CTDSPL: variants seen among roughly 807,000 people sequenced by gnomAD.
The protein encoded by CTDSPL is CTD small phosphatase like, also known as CTD small phosphatase-like protein.
Under a neutral mutation model 30.5 loss-of-function variants are expected in CTDSPL, and 8 were observed. That is an observed-to-expected ratio of 0.26 (90% CI 0.15 to 0.47). The LOEUF is 0.47. Ranked by LOEUF, CTDSPL falls within the 20% of genes least tolerant of loss-of-function variation. The pLI is 0.99. For missense variants in CTDSPL, 248 were observed against 366.1 expected (o/e 0.68, Z 2.63); for synonymous variants, 110 against 137.9 (o/e 0.80, Z 1.42).
chr3:37,914,182 A>G (rs1288095584), intron 1 of CTDSPL, among the ~76,000 whole-genome samples: 1 of 152,072 alleles, frequency 6.6e-6, no homozygotes, highest in Non-Finnish European at 1.5e-5. Flanking sequence ...TTTATTTTAT[A>G]TTTTGGTTTT....
At chr3:37,978,050 A>G (rs967881725) in intron 7 of CTDSPL, among the ~76,000 whole-genome samples, 2 of 152,212 alleles carry the variant, frequency 1.3e-5, no homozygotes, top group Non-Finnish European at 2.9e-5. Context: ...TCTATTATAA[A>G]ATTCTCCCAT....
At chr3:37,960,527 TATATATATAC>T (rs1285531167) in intron 3 of CTDSPL, among the ~76,000 whole-genome samples, 20 of 63,634 alleles carry the variant, frequency 3.1e-4, no homozygotes, top group African/African-American at 9.5e-4. Flanking sequence ...TATATATATA[TATATATATAC>T]ACACACACAC....
At chr3:37,941,275 A>G (rs1486024720) in intron 1 of CTDSPL, among the ~76,000 whole-genome samples, 1 of 150,222 alleles carries the variant, frequency 6.7e-6, no homozygotes, top group Non-Finnish European at 1.5e-5. Context: ...GTGCACAGAA[A>G]TGGAGAAAGT....
Position 37,862,316 on chromosome 3 carries a change from G to A in CTDSPL, c.79+38G>A. ...GCAGGCGGCCGCGGGCTGGGGGCGA[G>A]CGCACACCCCGCGCCGCTGGAGTTC... On this transcript the variant is annotated intron_variant, in intron 1 of 7. Coordinates refer to ENST00000273179, the MANE Select transcript of CTDSPL (RefSeq NM_001008392.2). The surrounding 1 kb of genome is among the most constrained non-coding windows in gnomAD (Gnocchi z 4.3). 6.9e-7 allele frequency: 1 copy of A among 1,439,010 alleles called. No homozygotes were observed. Among genetic ancestry groups the A allele is most frequent in the Non-Finnish European group, 9.1e-7 (1 of 1,097,080 alleles). 89.1% of individuals were successfully genotyped at this position (1,439,010 alleles called of 1,614,324 possible).
intron 1 of CTDSPL, among the ~76,000 whole-genome samples, chr3:37,945,007 A>G (rs1699019197): frequency 6.7e-6 from 1 of 149,774 alleles, no homozygotes; most frequent in African/African-American, 2.4e-5. Flanking sequence ...AGTTATGGGG[A>G]AAGTTCGTGT....
intron 1 of CTDSPL, among the ~76,000 whole-genome samples, chr3:37,941,419 CTTT>C (rs770518070): frequency 7.2e-6 from 1 of 139,426 alleles, no homozygotes; most frequent in Non-Finnish European, 1.6e-5. Context: ...ATCTTTTTTT[CTTT>C]TTTTTTTTTT....
intron 1 of CTDSPL, among the ~76,000 whole-genome samples, chr3:37,906,171 C>T (rs1698512984): frequency 6.6e-6 from 1 of 152,160 alleles, no homozygotes; most frequent in African/African-American, 2.4e-5. Flanking sequence ...CTTCCTGGCC[C>T]CTATTGTGTG....
At chr3:37,966,700 C>G (rs1469737471) in intron 4 of CTDSPL, among the ~76,000 whole-genome samples, 2 of 152,058 alleles carry the variant, frequency 1.3e-5, no homozygotes, top group African/African-American at 4.8e-5. Context: ...CTAGCATTGT[C>G]CATGTTTTTT....
chr3:37,864,820 G>A (rs1219304738), intron 1 of CTDSPL, among the ~76,000 whole-genome samples: 1 of 151,870 alleles, frequency 6.6e-6, no homozygotes, highest in Non-Finnish European at 1.5e-5. Context: ...ATTGGGCCTG[G>A]AATATTTTAA....
At chr3:37,931,003 C>CTT (rs374075430) in intron 1 of CTDSPL, among the ~76,000 whole-genome samples, 1 of 151,920 alleles carries the variant, frequency 6.6e-6, no homozygotes, top group African/African-American at 2.4e-5. Flanking sequence ...CTTTTGCTCT[C>CTT]TTTTTTTTCC....
Position 37,980,845 on chromosome 3 carries a change from T to G in CTDSPL, c.809T>G (p.Leu270Arg). The G allele has an allele frequency of 6.2e-7, 1 of 1,614,158 alleles. No individual in the cohort carries two copies. The highest frequency in any genetic ancestry group is 1.3e-5 in the African/African-American group (1 of 75,072). The change falls in exon 8 of 8, where the codon CTG becomes CGG. Residue 270 changes from leucine (L) to arginine (R), a missense_variant. By Grantham distance (102) the Leu-to-Arg change is moderately radical (BLOSUM62 -2). Transcript: ENST00000273179. ...LSREDDVYSM[L>R]HRLCNR ...CGGGAGGACGACGTGTACAGCATGC[T>G]GCACAGACTCTGCAATAGGTAGCCC...
At chr3:37,865,055 T>C (rs1697993924) in intron 1 of CTDSPL, among the ~76,000 whole-genome samples, 1 of 152,208 alleles carries the variant, frequency 6.6e-6, no homozygotes, top group Non-Finnish European at 1.5e-5. Flanking sequence ...TGGGCTGTGG[T>C]GTTTTGCACC....
At chr3:37,962,769 T>C (rs1437687903) in intron 3 of CTDSPL, among the ~76,000 whole-genome samples, 1 of 152,204 alleles carries the variant, frequency 6.6e-6, no homozygotes, top group Non-Finnish European at 1.5e-5. Context: ...AAGGGAGACA[T>C]AGAAAAGAGA....
At chr3:37,969,864 G>A (rs1699346745) in intron 5 of CTDSPL, among the ~76,000 whole-genome samples, 1 of 152,046 alleles carries the variant, frequency 6.6e-6, no homozygotes, top group African/African-American at 2.4e-5. Flanking sequence ...GCCCTCCTGA[G>A]CTCCTGCTTC....
Position 37,964,631 on chromosome 3 carries a change from G to A in CTDSPL, c.328G>A (p.Val110Ile). Residue 110 changes from valine (V) to isoleucine (I), a missense_variant, in exon 4 of 8, where the codon GTC becomes ATC. Physicochemically the swap from Val to Ile is conservative, Grantham distance 29 (BLOSUM62 3). Around this residue, in one of 4 missense-constraint regions of CTDSPL, gnomAD observed 45 missense variants for 83.1 expected, o/e 0.54. Transcript: ENST00000273179. Reference protein sequence around the residue: ...TVLDYGKKCVVIDLDETLVHS... With the variant: ...TVLDYGKKCVIIDLDETLVHS... ...GCTTGACTATGGAAAGAAATGTGTG[G>A]TCATTGATTTAGATGAAACATTGGT... is the stretch of plus-strand genomic sequence containing the variant. 6.2e-7 allele frequency: 1 copy of A among 1,613,888 alleles called. No homozygotes were observed. The highest frequency in any genetic ancestry group is 8.5e-7 in the Non-Finnish European group (1 of 1,179,892).
chr3:37,924,023 C>T (rs1015632729), intron 1 of CTDSPL, among the ~76,000 whole-genome samples: 3 of 152,180 alleles, frequency 2.0e-5, no homozygotes, highest in African/African-American at 7.2e-5. Context: ...TTACTCTTCT[C>T]ATTAAAACAA....
rs1699487401 is a variant in CTDSPL at position 37,981,152 on chromosome 3, ATC to A, written c.*289_*290del. 1 of 206,930 alleles carries A rather than the reference ATC, an allele frequency of 4.8e-6. No homozygotes were observed. Among genetic ancestry groups the A allele is most frequent in the South Asian group, 1.2e-4 (1 of 8,592 alleles). The allele number at this position is 206,930 out of a possible 1,614,324, so 12.8% of individuals were successfully genotyped here. ...TAGAAAAAAAAAAAAAAAAAGCTTG[ATC>A]TCTATCAGACTTCCTTTCAACTGTC... On this transcript the variant is annotated 3_prime_UTR_variant, in exon 8 of 8. Transcript: ENST00000273179.
At chr3:37,927,285 T>G (rs151097570) in intron 1 of CTDSPL, among the ~76,000 whole-genome samples, 105 of 152,292 alleles carry the variant, frequency 6.9e-4, no homozygotes, top group Non-Finnish European at 1.0e-3. Context: ...GTCAAAACTT[T>G]GTTTCATGCA....
At chr3:37,977,316 G>A (rs566593008) in intron 7 of CTDSPL, among the ~76,000 whole-genome samples, 119 of 152,166 alleles carry the variant, frequency 7.8e-4, no homozygotes, top group South Asian at 2.1e-4. Context: ...TATTTCAATC[G>A]GGATCCAAAA....
Sources: allele counts gnomAD v4.1 joint callset (sites outside exome capture counted in the v4.1 genomes callset), GRCh38; gene constraint gnomAD v4.1.1; regional missense constraint gnomAD v4.1.1; non-coding constraint Gnocchi (gnomAD v3.1); transcripts MANE v1.5; gene names NCBI Gene and HGNC (gene_info 2026-07-23, HGNC 2026-07-21).